Variants in ASPM observed in about 807,000 individuals in gnomAD.
ASPM encodes the protein assembly factor for spindle microtubules.
ASPM carries 256 observed loss-of-function variants against 366.4 expected under a neutral mutation model. That is an observed-to-expected ratio of 0.70 (90% CI 0.63 to 0.77). ASPM has a LOEUF of 0.77. Among genes scored for constraint, ASPM ranks in the 30% least tolerant of loss-of-function variants. The probability of loss-of-function intolerance (pLI) is 0.00; values close to 1 mark genes in which losing one functional copy is unlikely to be tolerated. For missense variants in ASPM, 4,146 were observed against 4,090.4 expected (o/e 1.01, Z -0.37); for synonymous variants, 1,414 against 1,342.9 (o/e 1.05, Z -1.16).
intron 16 of ASPM, among the ~76,000 whole-genome samples, chr1:197,119,941 T>C (rs1657853090): frequency 6.6e-6 from 1 of 152,128 alleles, no homozygotes; most frequent in Admixed American, 6.5e-5. Context: ...TTAATATGTT[T>C]AGTAGCTTGC....
chr1:197,138,939 G>A, intron 4 of ASPM: 1 of 774,666 alleles, frequency 1.3e-6, no homozygotes, highest in South Asian at 1.4e-5. Flanking sequence ...CTCTTTTTCA[G>A]CTTCTTTCTC....
intron 4 of ASPM, chr1:197,139,007 A>C: frequency 1.4e-6 from 1 of 722,644 alleles, no homozygotes; most frequent in Non-Finnish European, 2.5e-6. Flanking sequence ...TGATCATAGC[A>C]CTCTTGTCTT....
In ASPM at chr1:197,084,181, G is replaced by T; in HGVS notation, c.*143C>A. The T allele has an allele frequency of 1.6e-6, 1 of 637,422 alleles. No homozygotes were observed. Among genetic ancestry groups the T allele is most frequent in the Non-Finnish European group, 2.8e-6 (1 of 362,302 alleles). 39.5% of individuals were successfully genotyped at this position (637,422 alleles called of 1,614,324 possible). A position where few individuals can be genotyped will look rare whatever the true frequency, so the allele number is the denominator to read the frequency against. On this transcript the variant is annotated 3_prime_UTR_variant, in exon 28 of 28. Transcript: ENST00000367409. ...GCATAAAACTATAAATGATAAAAAT[G>T]AAGAATGTAATGAACAGTTTATGTT...
At position 197,103,417 on chromosome 1, in the gene ASPM, A is replaced by C; in HGVS notation, c.5834T>G (p.Ile1945Ser). 6.2e-7 allele frequency: 1 copy of C among 1,613,218 alleles called. No homozygotes were observed. Among genetic ancestry groups the C allele is most frequent in the Non-Finnish European group, 8.5e-7 (1 of 1,179,452 alleles). ...TAGRKQCMEY[I>S]ELRHAVLVLQ... ...CACCAGTACCGCATGACGGAGTTCAATATACTCCATACATTGCTTCCTTCC... is the reference window on the plus strand; with the variant it reads ...CACCAGTACCGCATGACGGAGTTCACTATACTCCATACATTGCTTCCTTCC... Residue 1945 changes from isoleucine (I) to serine (S), a missense_variant, in exon 18 of 28, where the codon ATT becomes AGT. Physicochemically the swap from Ile to Ser is moderately radical, Grantham distance 142 (BLOSUM62 -2). This residue lies in a region of ASPM where 3,624 missense variants were observed against 3,591.7 expected (regional missense o/e 1.01). Transcript: ENST00000367409.
At position 197,146,290 on chromosome 1, in the gene ASPM, G is replaced by A; in HGVS notation, c.148C>T (p.Leu50Phe). The A allele has an allele frequency of 6.2e-7, 1 of 1,614,094 alleles. No homozygotes were observed. The highest frequency in any genetic ancestry group is 2.2e-5 in the East Asian group (1 of 44,848). The change falls in exon 1 of 28, where the codon CTT (leucine) becomes TTT (phenylalanine). Residue 50 changes from leucine to phenylalanine, a missense_variant. By Grantham distance (22) the Leu-to-Phe change is conservative. Coordinates refer to ENST00000367409, the MANE Select transcript of ASPM (RefSeq NM_018136.5). ...SLSHFCRSPF[L>F]CFGDVLLGAS... The stretch of plus-strand genomic sequence containing the variant: ...CCCAGGAGAACGTCCCCGAAGCAAA[G>A]GAAAGGAGACCTGCAGAAGTGGCTG...
Position 197,084,376 on chromosome 1 carries a change from T to C in ASPM, c.10382A>G (p.Asn3461Ser). 6.2e-7 allele frequency: 1 copy of C among 1,613,288 alleles called. No individual in the cohort carries two copies. Among genetic ancestry groups the C allele is most frequent in the Non-Finnish European group, 8.5e-7 (1 of 1,179,782 alleles). Residue 3461 changes from asparagine (N) to serine (S), a missense_variant, in exon 28 of 28, where the codon AAT becomes AGT. By Grantham distance (46) the Asn-to-Ser change is conservative. This residue lies in a region of ASPM where 3,624 missense variants were observed against 3,591.7 expected (regional missense o/e 1.01). Transcript: ENST00000367409. ...LRRDNMEEIT[N>S]PLQAIQMVMD... ...CACCATTTGAATAGCTTGCAGGGGA[T>C]TTGTGATTTCTTCCATGTTATCTCT...
rs570989564 is a variant in ASPM at position 197,104,711 on chromosome 1, T to C, written c.4540A>G (p.Ile1514Val). 6.2e-6 allele frequency: 10 copies of C among 1,611,724 alleles called. No homozygotes were observed. In the African/African-American group the frequency reaches 1.2e-4, roughly 19 times the overall value. The part of the protein sequence containing the change: ...QKLYKRRKES[I>V]LTIQKYYKAY... ...TTGTAGTACTTCTGGATGGTTAGTA[T>C]GGACTCTTTTCTTCTTTTATATAAC... The change falls in exon 18 of 28, where the codon ATA becomes GTA. Residue 1514 changes from isoleucine to valine, a missense_variant. Transcript: ENST00000367409.
At chr1:197,128,343 G>GAAA (rs200280533) in intron 10 of ASPM, 147 bp downstream of exon 10, 11,996 of 557,138 alleles carry the variant, frequency 0.022, 1 homozygote, top group Non-Finnish European at 0.026. Context: ...CCACTTCCCT[G>GAAA]AAAAAAAAAA....
Position 197,135,095 on chromosome 1 carries a change from C to T in ASPM, c.2173+1G>A. 1 of 1,566,754 alleles carries T rather than the reference C, an allele frequency of 6.4e-7. No homozygotes were observed. Among genetic ancestry groups the T allele is most frequent in the Non-Finnish European group, 8.8e-7 (1 of 1,139,482 alleles). ...AATTTAAACATTAATTTAACGTTTA[C>T]CTTCAGAAATATTTGTTTTTACAGT... On this transcript the variant is annotated splice_donor_variant, in intron 5 of 27. Coordinates refer to ENST00000367409, the MANE Select transcript of ASPM (RefSeq NM_018136.5). LOFTEE classifies it high-confidence loss of function.
intron 16 of ASPM, 96 bp from the exon 17 acceptor site, chr1:197,118,079 T>C: frequency 8.5e-7 from 1 of 1,181,262 alleles, no homozygotes; most frequent in East Asian, 2.4e-5. Context: ...CCAATCAAAT[T>C]GATACTGGAA....
intron 3 of ASPM, among the ~76,000 whole-genome samples, chr1:197,140,957 G>T (rs563557941): frequency 6.6e-6 from 1 of 152,220 alleles, no homozygotes; most frequent in Admixed American, 6.5e-5. Context: ...AATGCCAGGT[G>T]GCTATCAAAG....
chr1:197,129,881 G>A, intron 8 of ASPM, 34 bp downstream of exon 8: 1 of 1,596,660 alleles, frequency 6.3e-7, no homozygotes, highest in Non-Finnish European at 8.6e-7. Flanking sequence ...CATGTATAAT[G>A]TGGAGAGAAT....
At chr1:197,117,616 A>G (rs1657774630) in intron 17 of ASPM, among the ~76,000 whole-genome samples, 173 bp downstream of exon 17, 1 of 152,164 alleles carries the variant, frequency 6.6e-6, no homozygotes, top group Admixed American at 6.6e-5. Context: ...ATTATGTTTC[A>G]GCCTTCTGCT....
intron 10 of ASPM, 111 bp downstream of exon 10, chr1:197,128,379 A>G: frequency 8.6e-7 from 1 of 1,167,032 alleles, no homozygotes; most frequent in Non-Finnish European, 1.3e-6. Context: ...TTTCAGTACT[A>G]AATTTATTGT....
rs920079932 is a variant in ASPM at position 197,104,277 on chromosome 1, A to G, written c.4974T>C (p.Ser1658=). ...GATAATATGATTGAATCTTTATAACAGATGTGAGGATGTGAATATACATTT... is the reference window on the plus strand; with the variant it reads ...GATAATATGATTGAATCTTTATAACGGATGTGAGGATGTGAATATACATTT... ...ARKMYIHILT[S]VIKIQSYYRA... is the part of the protein sequence containing the mutation. The change falls in exon 18 of 28, where the codon TCT becomes TCC. Residue 1658 remains serine, a synonymous_variant. Transcript: ENST00000367409. 3.1e-6 allele frequency: 5 copies of G among 1,612,920 alleles called. No homozygotes were observed. The African/African-American group carries it at 5.3e-5, about 17-fold the overall frequency.
intron 16 of ASPM, among the ~76,000 whole-genome samples, chr1:197,121,426 G>T (rs1415427156): frequency 6.6e-6 from 1 of 152,052 alleles, no homozygotes; most frequent in Non-Finnish European, 1.5e-5. Flanking sequence ...ACTAATAAAG[G>T]ATAAAGTAGA....
chr1:197,122,246 G>A lies in ASPM; in HGVS notation c.3654C>T (p.His1218=). Residue 1218 remains histidine, a synonymous_variant, in exon 15 of 28, where the codon CAC becomes CAT. Coordinates refer to ENST00000367409, the MANE Select transcript of ASPM (RefSeq NM_018136.5). ...ELLENEKKNF[H]LVRSAVRDLG... ...GGTCTCTAACTGCAGACCTAACCAA[G>A]TGAAAATTTTTCTTTTCATTTTCTA... 1 of 1,612,930 alleles carries A rather than the reference G, an allele frequency of 6.2e-7. No homozygotes were observed. The highest frequency in any genetic ancestry group is 8.5e-7 in the Non-Finnish European group (1 of 1,179,108).
chr1:197,097,930 A>G (rs897183117), intron 18 of ASPM, among the ~76,000 whole-genome samples: 2 of 151,280 alleles, frequency 1.3e-5, no homozygotes, highest in African/African-American at 4.8e-5. Context: ...TTTGAGACCC[A>G]TTAAAACAAA....
chr1:197,139,830 T>C lies in ASPM; in HGVS notation c.1963A>G (p.Arg655Gly). ...FRTPISKTNK[R>G]TKPIIAVAQS... ...GCCACAGCGATAATGGGTTTTGTCC[T>C]TTTGTTTGTTTTAGAAATTGGAGTT... Residue 655 changes from arginine (R) to glycine (G), a missense_variant, in exon 4 of 28, where the codon AGG (arginine) becomes GGG (glycine). This residue lies in a region of ASPM where 3,624 missense variants were observed against 3,591.7 expected (regional missense o/e 1.01). Transcript: ENST00000367409. 1 of 1,611,940 alleles carries C rather than the reference T, an allele frequency of 6.2e-7. No individual in the cohort carries two copies. The highest frequency in any genetic ancestry group is 8.5e-7 in the Non-Finnish European group (1 of 1,178,090).
Sources: gnomAD v4.1 joint callset for allele counts (sites outside exome capture counted in the v4.1 genomes callset) on GRCh38, gnomAD v4.1.1 for gene constraint, gnomAD v4.1.1 regional missense constraint, MANE v1.5 for transcripts, NCBI Gene and HGNC (gene_info 2026-07-23, HGNC 2026-07-21) for gene names.